LAMA3: variants seen among roughly 807,000 people sequenced by gnomAD.
The protein encoded by LAMA3 is laminin subunit alpha-3.
A neutral mutation model predicts 402.0 loss-of-function variants in LAMA3; 281 were observed. The ratio of observed to expected loss-of-function variants is 0.70; its 90% CI spans 0.63 to 0.77. The LOEUF is 0.77. Ranked by LOEUF, LAMA3 falls within the 30% of genes least tolerant of loss-of-function variation. The pLI is 0.00. For missense variants in LAMA3, 3,840 were observed against 4,215.5 expected (o/e 0.91, Z 2.47); for synonymous variants, 1,431 against 1,558.4 (o/e 0.92, Z 1.93).
intron 5 of LAMA3, among the ~76,000 whole-genome samples, chr18:23,751,609 G>T (rs781180672): frequency 6.6e-5 from 10 of 152,144 alleles, no homozygotes; most frequent in African/African-American, 2.4e-4. Flanking sequence ...CTCATCAGAG[G>T]TTACTTCTAT....
At chr18:23,891,866 G>GT (rs2080681264) in intron 42 of LAMA3, among the ~76,000 whole-genome samples, 1 of 152,158 alleles carries the variant, frequency 6.6e-6, no homozygotes, top group African/African-American at 2.4e-5. Context: ...AAGTCCTCAC[G>GT]TGAGAGTTAG....
intron 18 of LAMA3, 34 bp downstream of exon 18, chr18:23,816,521 G>C (rs1598850513): frequency 1.3e-6 from 2 of 1,548,978 alleles, no homozygotes; most frequent in Non-Finnish European, 1.8e-6. Flanking sequence ...CCATGTTCAG[G>C]GTGTGAAAGA....
chr18:23,690,605 T>C (rs1157328014), intron 1 of LAMA3, among the ~76,000 whole-genome samples: 1 of 151,922 alleles, frequency 6.6e-6, no homozygotes, highest in African/African-American at 2.4e-5. Context: ...TTGCGGTGCA[T>C]GTTAAGCAGC....
chr18:23,822,388 G>A lies in LAMA3; in HGVS notation c.2428+13G>A. 1 of 1,612,252 alleles carries A rather than the reference G, an allele frequency of 6.2e-7. No homozygotes were observed. The highest frequency in any genetic ancestry group is 8.5e-7 in the Non-Finnish European group (1 of 1,178,532). On this transcript the variant is annotated intron_variant, in intron 20 of 74. Coordinates refer to ENST00000313654, the MANE Select transcript of LAMA3 (RefSeq NM_198129.4). ...TATCCATCCTGGGGTAAGGCACGTA[G>A]GTAAAATGTCAAGCCTCTTTTCAAT...
chr18:23,791,410 A>T (rs2062651069), intron 12 of LAMA3, among the ~76,000 whole-genome samples: 1 of 152,154 alleles, frequency 6.6e-6, no homozygotes, highest in African/African-American at 2.4e-5. Context: ...TGTGGGGGGA[A>T]AAATGATAGA....
chr18:23,702,539 C>T (rs2060810179), intron 1 of LAMA3, among the ~76,000 whole-genome samples: 1 of 152,128 alleles, frequency 6.6e-6, no homozygotes, highest in Non-Finnish European at 1.5e-5. Flanking sequence ...GTTGCCCAGG[C>T]CGGTCTTGAA....
At chr18:23,789,897 A>G (rs1399889442) in intron 12 of LAMA3, among the ~76,000 whole-genome samples, 1 of 152,206 alleles carries the variant, frequency 6.6e-6, no homozygotes, top group East Asian at 1.9e-4. Flanking sequence ...ACACTAAAGA[A>G]GGGTTATTCC....
chr18:23,792,301 G>GCATA (rs2062674239), intron 12 of LAMA3, among the ~76,000 whole-genome samples: 1 of 152,198 alleles, frequency 6.6e-6, no homozygotes, highest in African/African-American at 2.4e-5. Context: ...AACTTCAAGA[G>GCATA]CATAGCGCCA....
At position 23,689,493 on chromosome 18, in the gene LAMA3, T is replaced by C. The variant is rs1017932922; in HGVS notation, c.-191T>C. ...TGGTGCCCGCTCCAGCCGCGGCAGG[T>C]TCCAGAGCTGAGAGGCCACCCCCAC... On this transcript the variant is annotated 5_prime_UTR_variant, in exon 1 of 75. Transcript: ENST00000313654. 5 of 436,672 alleles carry C rather than the reference T, an allele frequency of 1.1e-5. No homozygotes were observed. The highest frequency in any genetic ancestry group is 6.2e-5 in the African/African-American group (3 of 48,588). 27.0% of individuals were successfully genotyped at this position (436,672 alleles called of 1,614,324 possible). A position where few individuals can be genotyped will look rare whatever the true frequency, so the allele number is the denominator to read the frequency against.
At chr18:23,800,129 G>T (rs897614532) in intron 12 of LAMA3, among the ~76,000 whole-genome samples, 1 of 152,126 alleles carries the variant, frequency 6.6e-6, no homozygotes, top group Non-Finnish European at 1.5e-5. Context: ...TTCTTGCCTC[G>T]CCAACTTGGC....
chr18:23,720,924 A>G (rs903729258), intron 2 of LAMA3, among the ~76,000 whole-genome samples: 5 of 152,252 alleles, frequency 3.3e-5, no homozygotes, highest in Middle Eastern at 3.4e-3. Context: ...TGGGAGGCCA[A>G]GGTGGGAGGA....
At chr18:23,757,099 A>C (rs899610936) in intron 6 of LAMA3, among the ~76,000 whole-genome samples, 1 of 151,882 alleles carries the variant, frequency 6.6e-6, no homozygotes, top group Admixed American at 6.6e-5. Context: ...GCTTCCCCGC[A>C]AACCCAGCCT....
chr18:23,763,345 T>G (rs2062010911), intron 7 of LAMA3, 60 bp from the exon 8 acceptor site: 4 of 1,056,358 alleles, frequency 3.8e-6, no homozygotes, highest in Non-Finnish European at 4.5e-6. Flanking sequence ...CTATTTACGC[T>G]ATTTACTAAG....
intron 62 of LAMA3, among the ~76,000 whole-genome samples, chr18:23,924,206 C>T (rs551104403): frequency 6.6e-6 from 1 of 152,286 alleles, no homozygotes; most frequent in African/African-American, 2.4e-5. Context: ...GGCTGGAGTT[C>T]AGTGGCGCCA....
chr18:23,880,443 T>G (rs755726478), intron 39 of LAMA3, among the ~76,000 whole-genome samples: 1 of 152,210 alleles, frequency 6.6e-6, no homozygotes, highest in Non-Finnish European at 1.5e-5. Context: ...CAAAGGTTAG[T>G]GAAGGATGGA....
At chr18:23,741,019 C>A (rs11875274) in intron 2 of LAMA3, among the ~76,000 whole-genome samples, 1 of 151,322 alleles carries the variant, frequency 6.6e-6, no homozygotes, top group African/African-American at 2.4e-5. Flanking sequence ...AGTGGTGCGA[C>A]CTTGGTTCAC....
At chr18:23,787,625 G>C (rs1177595897) in intron 12 of LAMA3, among the ~76,000 whole-genome samples, 2 of 152,130 alleles carry the variant, frequency 1.3e-5, no homozygotes, top group African/African-American at 2.4e-5. Flanking sequence ...AATAACAACT[G>C]ACTTCTCATT....
chr18:23,831,555 G>A (rs1427845320), intron 23 of LAMA3, among the ~76,000 whole-genome samples: 3 of 151,990 alleles, frequency 2.0e-5, no homozygotes, highest in Non-Finnish European at 2.9e-5. Context: ...TCATCTCCTC[G>A]ACTAGCTCAG....
intron 32 of LAMA3, 124 bp downstream of exon 32, chr18:23,847,792 A>G: frequency 1.1e-6 from 1 of 948,292 alleles, no homozygotes; most frequent in African/African-American, 1.6e-5. Context: ...TGACCTCGGC[A>G]TGAGCTTCCC....
Sources: gnomAD v4.1 joint callset for allele counts (sites outside exome capture counted in the v4.1 genomes callset) on GRCh38, gnomAD v4.1.1 for gene constraint, MANE v1.5 for transcripts, NCBI Gene and HGNC (gene_info 2026-07-23, HGNC 2026-07-21) for gene names.